RBFOX1: variants seen among roughly 807,000 people sequenced by gnomAD.
The protein encoded by RBFOX1 is RNA binding protein fox-1 homolog 1.
RBFOX1 carries 8 observed loss-of-function variants against 57.7 expected under a neutral mutation model. That is an observed-to-expected ratio of 0.14 (90% CI 0.08 to 0.25). The LOEUF is 0.25. Among genes scored for constraint, RBFOX1 ranks in the 10% least tolerant of loss-of-function variants. The probability of loss-of-function intolerance (pLI) is 1.00; values close to 1 mark genes in which losing one functional copy is unlikely to be tolerated. For missense variants in RBFOX1, 611 were observed against 548.5 expected (o/e 1.11, Z -1.14); for synonymous variants, 326 against 222.4 (o/e 1.47, Z -4.15).
intron 3 of RBFOX1, among the ~76,000 whole-genome samples, chr16:5,606,707 G>A (rs771664844): frequency 6.6e-6 from 1 of 152,180 alleles, no homozygotes; most frequent in Non-Finnish European, 1.5e-5. Context: ...AGAATATAAA[G>A]TTGAGTGGTA....
intron 4 of RBFOX1, among the ~76,000 whole-genome samples, chr16:7,214,419 C>A (rs1490064791): frequency 6.6e-6 from 1 of 152,048 alleles, no homozygotes; most frequent in Non-Finnish European, 1.5e-5. Context: ...CTCTCATGGG[C>A]AGACTGCTCC....
At chr16:6,660,652 G>A (rs999630246) in intron 3 of RBFOX1, among the ~76,000 whole-genome samples, 1 of 152,036 alleles carries the variant, frequency 6.6e-6, no homozygotes, top group Non-Finnish European at 1.5e-5. Flanking sequence ...CTTTAAATTG[G>A]GAGTGATACA....
rs1251321034 is a variant in RBFOX1 at position 5,270,944 on chromosome 16, A to G, written c.219+30839A>G. On this transcript the variant is annotated intron_variant, in intron 1 of 2. Coordinates refer to the RBFOX1 transcript ENST00000585867. ...GATGGGTATGAACCACTAGTCCAAG[A>G]ATCTGTTTAAAGTTCAGACTTATAA... 2.9e-5 allele frequency: 11 copies of G among 380,404 alleles called. No individual in the cohort carries two copies. The Admixed American group carries it at 3.8e-4, about 13-fold the overall frequency. 23.6% of individuals were successfully genotyped at this position (380,404 alleles called of 1,614,324 possible). A position where few individuals can be genotyped will look rare whatever the true frequency, so the allele number is the denominator to read the frequency against.
chr16:6,408,030 G>A (rs2093345251), intron 2 of RBFOX1, among the ~76,000 whole-genome samples: 1 of 152,078 alleles, frequency 6.6e-6, no homozygotes, highest in African/African-American at 2.4e-5. Context: ...GCCAGAGGAA[G>A]CTTGTTTACC....
intron 1 of RBFOX1, among the ~76,000 whole-genome samples, chr16:6,081,094 T>G (rs897664052): frequency 5.9e-5 from 9 of 152,174 alleles, no homozygotes; most frequent in African/African-American, 1.2e-4. Flanking sequence ...TGGAGCATGG[T>G]GTCCCTTTGC....
intron 5 of RBFOX1, among the ~76,000 whole-genome samples, chr16:7,538,007 C>T (rs961805352): frequency 9.2e-5 from 14 of 152,192 alleles, no homozygotes; most frequent in Non-Finnish European, 1.5e-5. Context: ...TACTGGAAAA[C>T]AGAGATGAGT....
At chr16:6,900,070 T>A (rs953368758) in intron 3 of RBFOX1, among the ~76,000 whole-genome samples, 1 of 152,178 alleles carries the variant, frequency 6.6e-6, no homozygotes, top group South Asian at 2.1e-4. Context: ...GAGTTAATAC[T>A]CATAAAATGC....
chr16:6,983,825 A>G (rs2089587208), intron 3 of RBFOX1: 1 of 152,492 alleles, frequency 6.6e-6, no homozygotes. Context: ...CCCTGTGGAC[A>G]AGACATTAGG....
intron 10 of RBFOX1, among the ~76,000 whole-genome samples, chr16:7,610,117 C>A (rs979735133): frequency 2.5e-4 from 12 of 47,800 alleles, no homozygotes; most frequent in Non-Finnish European, 3.7e-4. Context: ...CGCCCGGCCC[C>A]CTTTTTTTTT....
chr16:5,480,380 A>T lies in RBFOX1; in HGVS notation c.258+13126A>T, dbSNP rs566984561. Among the ~76,000 whole-genome samples the T allele has an allele frequency of 1.6e-4, 10 of 62,590 alleles. No homozygotes were observed. The South Asian group carries it at 4.1e-3, about 25-fold the overall frequency. 41.1% of individuals were successfully genotyped at this position (62,590 alleles called of 152,430 possible). ...TCTATGCATCATGTATAGATTATTT[A>T]AAAAAAAAAACCCAACAACACAATT... On this transcript the variant is annotated intron_variant, in intron 2 of 2. Coordinates refer to the RBFOX1 transcript ENST00000585867.
chr16:6,351,364 A>T (rs1455149789), intron 2 of RBFOX1, among the ~76,000 whole-genome samples: 44 of 96,664 alleles, frequency 4.6e-4, no homozygotes, highest in Middle Eastern at 5.2e-3. Flanking sequence ...ATATATATAT[A>T]TATATATATT....
intron 3 of RBFOX1, among the ~76,000 whole-genome samples, chr16:6,972,346 G>T (rs1025807818): frequency 1.3e-4 from 19 of 151,876 alleles, no homozygotes; most frequent in African/African-American, 4.3e-4. Flanking sequence ...ATTATACAGC[G>T]TTTCTCCTTT....
rs79212245 is a variant in RBFOX1, at chr16:6,414,576, G to A, written c.-64+97519G>A. ...AGAAAATAAAGTACTGTGTAAGTTC[G>A]TTAAGCAAAGGGGTCTCATTCGATT... On this transcript the variant is annotated intron_variant, in intron 2 of 15. Transcript: ENST00000550418. Among the ~76,000 whole-genome samples the A allele has an allele frequency of 8.9e-3, 1,360 of 152,304 alleles. 21 individuals are homozygous for A. Among genetic ancestry groups the A allele is most frequent in the African/African-American group, 0.03 (1,263 of 41,556 alleles).
At chr16:5,415,265 C>A (rs1049587392) in intron 1 of RBFOX1, among the ~76,000 whole-genome samples, 1 of 152,168 alleles carries the variant, frequency 6.6e-6, no homozygotes, top group Non-Finnish European at 1.5e-5. Flanking sequence ...GCACCTTCTT[C>A]ACAAGGTGGC....
intron 3 of RBFOX1, among the ~76,000 whole-genome samples, chr16:6,901,292 C>T (rs997735846): frequency 2.0e-5 from 3 of 152,206 alleles, no homozygotes; most frequent in Non-Finnish European, 1.5e-5. Flanking sequence ...GCCCATCCCT[C>T]TCCGTGGGCT....
At chr16:6,075,829 A>G (rs1011526647) in intron 1 of RBFOX1, among the ~76,000 whole-genome samples, 4 of 152,236 alleles carry the variant, frequency 2.6e-5, no homozygotes, top group African/African-American at 7.2e-5. Flanking sequence ...AAATCAAGAC[A>G]CACAATAATA....
intron 2 of RBFOX1, among the ~76,000 whole-genome samples, chr16:5,558,162 G>C (rs2045750568): frequency 6.6e-6 from 1 of 152,132 alleles, no homozygotes; most frequent in African/African-American, 2.4e-5. Context: ...CCGGTATGCT[G>C]GGCGAGAACT....
intron 4 of RBFOX1, among the ~76,000 whole-genome samples, chr16:5,980,540 C>T (rs909435953): frequency 4.6e-5 from 7 of 152,168 alleles, no homozygotes; most frequent in Admixed American, 3.3e-4. Context: ...AGTGATCCTC[C>T]GCATTCTCAG....
rs138891720 is a variant in RBFOX1, at chr16:6,819,148, A to G, written c.-16+164498A>G. On this transcript the variant is annotated intron_variant, in intron 3 of 15. Transcript: ENST00000550418. ...TGTGGGCTATGGCAGTTTGTATCAT[A>G]TATTTGACCCCTGTGAGCCTTGTAC... Among the ~76,000 whole-genome samples, 259 of 152,270 alleles carry G rather than the reference A, an allele frequency of 1.7e-3. 1 individual carries two copies. Among genetic ancestry groups the G allele is most frequent in the African/African-American group, 5.9e-3 (244 of 41,544 alleles).
Sources: allele counts gnomAD v4.1 joint callset (sites outside exome capture counted in the v4.1 genomes callset), GRCh38; gene constraint gnomAD v4.1.1; transcripts MANE v1.5; gene names NCBI Gene and HGNC (gene_info 2026-07-23, HGNC 2026-07-21).